APOH: variants seen among roughly 807,000 people sequenced by gnomAD.
APOH encodes beta-2-glycoprotein 1.
Under a neutral mutation model 39.8 loss-of-function variants are expected in APOH, and 48 were observed. The ratio of observed to expected loss-of-function variants is 1.21; its 90% CI spans 0.96 to 1.54. The LOEUF (loss-of-function observed/expected upper bound fraction) is 1.54. Ranked by LOEUF, APOH falls within the 40% of genes most tolerant of loss-of-function variation. APOH has a pLI of 0.00. For synonymous variants in APOH, 153 were observed against 151.1 expected (o/e 1.01, Z -0.09); for missense variants, 415 against 421.2 (o/e 0.99, Z 0.13).
At position 66,214,439 on chromosome 17, in the gene APOH, C is replaced by G. The variant is rs755327629; in HGVS notation, c.982+14G>C. On this transcript the variant is annotated intron_variant, in intron 7 of 7. Transcript: ENST00000205948. ...AAGTGGGAGTCCTAGCTAAACGTTC[C>G]AATGCAGACTTACCCTTGAAGCATT... The G allele has an allele frequency of 6.2e-7, 1 of 1,611,590 alleles. No individual in the cohort carries two copies. Among genetic ancestry groups the G allele is most frequent in the Non-Finnish European group, 8.5e-7 (1 of 1,178,160 alleles).
Position 66,216,850 on chromosome 17 carries a change from T to C in APOH, c.722A>G (p.Asp241Gly). ...TFGCHDGYSL[D>G]GPEEIECTKL... Reference sequence around the variant, plus strand: ...GGTACATTCTATTTCTTCCGGGCCATCCAGAGAATATCCATCATGGCAGCC... The same window carrying C: ...GGTACATTCTATTTCTTCCGGGCCACCCAGAGAATATCCATCATGGCAGCC... Residue 241 changes from aspartate to glycine, a missense_variant, in exon 6 of 8, where the codon GAT becomes GGT. Physicochemically the swap from Asp to Gly is moderately conservative, Grantham distance 94 (BLOSUM62 -1). Coordinates refer to ENST00000205948, the MANE Select transcript of APOH (RefSeq NM_000042.3). 6.2e-7 allele frequency: 1 copy of C among 1,612,884 alleles called. No individual in the cohort carries two copies. Among genetic ancestry groups the C allele is most frequent in the East Asian group, 2.2e-5 (1 of 44,802 alleles).
chr17:66,216,728 T>C (rs986876918), intron 6 of APOH, 60 bp downstream of exon 6: 1 of 1,456,146 alleles, frequency 6.9e-7, no homozygotes, highest in Admixed American at 2.4e-5. Flanking sequence ...AAATAGCAAG[T>C]AAAGGTGATC....
Position 66,220,612 on chromosome 17 carries a change from TC to T in APOH, c.545del (p.Gly182GlufsTer22). On this transcript the variant is annotated frameshift_variant, in exon 5 of 8. Transcript: ENST00000205948. LOFTEE classifies it high-confidence loss of function. ...FECLPQHAMF[G>X]NDTITCTTHG... ...GTGTCGTGCAGGTAATTGTATCATT[TC>T]CAAACATCGCATGTTGTGGCAAACA... is the stretch of plus-strand genomic sequence containing the variant. 6.2e-7 allele frequency: 1 copy of T among 1,614,208 alleles called. No homozygotes were observed. The highest frequency in any genetic ancestry group is 8.5e-7 in the Non-Finnish European group (1 of 1,180,036).
chr17:66,220,551 T>A lies in APOH; in HGVS notation c.604+3A>T. ...GCGTATTTTGTCTGATCATTGCACT[T>A]ACCCCTGCATTCTGGTAATTTAGTC... On this transcript the variant is annotated splice_donor_region_variant and intron_variant, in intron 5 of 7. Transcript: ENST00000205948. 1.9e-6 allele frequency: 3 copies of A among 1,613,584 alleles called. No individual in the cohort carries two copies. Among genetic ancestry groups the A allele is most frequent in the Non-Finnish European group, 2.5e-6 (3 of 1,179,490 alleles).
intron 4 of APOH, among the ~76,000 whole-genome samples, chr17:66,222,809 G>A (rs1324497378): frequency 6.6e-6 from 1 of 152,082 alleles, no homozygotes; most frequent in African/African-American, 2.4e-5. Flanking sequence ...GACCTCAGGT[G>A]AGCCACCCTC....
intron 2 of APOH, 147 bp from the exon 3 acceptor site, chr17:66,226,271 C>A: frequency 1.6e-6 from 1 of 621,916 alleles, no homozygotes; most frequent in Non-Finnish European, 2.8e-6. Context: ...GGTAACTATT[C>A]TAAGAAAGCA....
At chr17:66,226,375 C>T (rs563768049) in intron 2 of APOH, among the ~76,000 whole-genome samples, 7 of 152,296 alleles carry the variant, frequency 4.6e-5, no homozygotes, top group African/African-American at 1.7e-4. Flanking sequence ...CAGTGGCTCA[C>T]GCCTGTAATC....
In APOH at chr17:66,229,336, TG is replaced by T. The variant is rs1567743641; in HGVS notation, c.43del (p.His15MetfsTer23). On this transcript the variant is annotated frameshift_variant, in exon 1 of 8. Transcript: ENST00000205948. LOFTEE classifies it high-confidence loss of function. Reference sequence around the variant, plus strand: ...CTTACTCCGTCCTGCAATAGCAACATGGCAGAGAAAACTCGAGAACAAGATG... The same window carrying T: ...CTTACTCCGTCCTGCAATAGCAACATGCAGAGAAAACTCGAGAACAAGATG... ...VLILFSSFLC[H>X]VAIAGRTCPK... is the part of the protein sequence containing the mutation. 2 of 1,613,884 alleles carry T rather than the reference TG, an allele frequency of 1.2e-6. No individual in the cohort carries two copies. The highest frequency in any genetic ancestry group is 1.7e-6 in the Non-Finnish European group (2 of 1,179,822).
chr17:66,225,074 A>G (rs965775771), intron 3 of APOH, among the ~76,000 whole-genome samples: 198 of 152,238 alleles, frequency 1.3e-3, no homozygotes, highest in African/African-American at 4.5e-3. Context: ...GAAAAAAAAA[A>G]AAAGAAAGAA....
intron 4 of APOH, among the ~76,000 whole-genome samples, chr17:66,222,901 CTGACA>C (rs759944197): frequency 4.9e-4 from 74 of 152,286 alleles, no homozygotes; most frequent in Non-Finnish European, 8.4e-4. Context: ...ACAGACTTCA[CTGACA>C]TGTTGAAGAA....
chr17:66,224,470 T>TAAAAA (rs760150264), intron 3 of APOH, among the ~76,000 whole-genome samples: 46 of 42,692 alleles, frequency 1.1e-3, no homozygotes, highest in South Asian at 4.0e-3. Flanking sequence ...GAAGATCCTG[T>TAAAAA]AAAAAAAAAA....
In APOH at chr17:66,217,275, T is replaced by C. The variant is rs530302296; in HGVS notation, c.605-308A>G. ...AACTTCATCTCTACACAGTCTAAGA[T>C]GGTGGGTTTGAAAGAAGAAAAGCAA... is the stretch of plus-strand genomic sequence containing the variant. On this transcript the variant is annotated intron_variant, in intron 5 of 7. Transcript: ENST00000205948. Among the ~76,000 whole-genome samples, 3 of 151,882 alleles carry C rather than the reference T, an allele frequency of 2.0e-5. No homozygotes were observed. In the East Asian group the frequency reaches 5.8e-4, roughly 29 times the overall value.
chr17:66,222,691 C>G (rs1261522310), intron 4 of APOH, among the ~76,000 whole-genome samples: 1 of 151,138 alleles, frequency 6.6e-6, no homozygotes, highest in Non-Finnish European at 1.5e-5. Context: ...CTTGCCTCAG[C>G]CTCCCAATTG....
Position 66,223,712 on chromosome 17 carries a change from A to C in APOH, c.401T>G (p.Leu134Arg). The change falls in exon 4 of 8, where the codon CTT becomes CGT. Residue 134 changes from leucine to arginine, a missense_variant. Coordinates refer to ENST00000205948, the MANE Select transcript of APOH (RefSeq NM_000042.3). ...CTEEGKWSPELPVCAPIICPP... is the reference protein window; with the variant it reads ...CTEEGKWSPERPVCAPIICPP... ...CACAGACTTACGAGCACAGACAGGA[A>C]GCTCCGGGCTCCATTTTCCTTCCTC... is the stretch of plus-strand genomic sequence containing the variant. 6.2e-7 allele frequency: 1 copy of C among 1,614,174 alleles called. No individual in the cohort carries two copies. Among genetic ancestry groups the C allele is most frequent in the Non-Finnish European group, 8.5e-7 (1 of 1,180,000 alleles).
At chr17:66,213,386 G>GCT (rs989837105) in intron 7 of APOH, among the ~76,000 whole-genome samples, 1 of 152,144 alleles carries the variant, frequency 6.6e-6, no homozygotes, top group African/African-American at 2.4e-5. Flanking sequence ...TGGATACTTT[G>GCT]CTCTAATGGA....
chr17:66,226,165 A>T lies in APOH; in HGVS notation c.242-41T>A, dbSNP rs751526372. 18 of 1,111,892 alleles carry T rather than the reference A, an allele frequency of 1.6e-5. No individual in the cohort carries two copies. The African/African-American group carries it at 3.2e-4, about 20-fold the overall frequency. 68.9% of individuals were successfully genotyped at this position (1,111,892 alleles called of 1,614,324 possible). On this transcript the variant is annotated intron_variant, in intron 2 of 7. Coordinates refer to ENST00000205948, the MANE Select transcript of APOH (RefSeq NM_000042.3). ...AAAAAATGTTACTTTTCTTTGGGCTAAAAAAAAACATAAACAGGTAAATTT... is the reference window on the plus strand; with the variant it reads ...AAAAAATGTTACTTTTCTTTGGGCTTAAAAAAAACATAAACAGGTAAATTT...
chr17:66,227,872 T>G (rs1270730184), intron 2 of APOH, 148 bp downstream of exon 2: 1 of 728,626 alleles, frequency 1.4e-6, no homozygotes, highest in East Asian at 2.6e-5. Context: ...CAGAGAGAAC[T>G]CCCCAAGACC....
chr17:66,212,138 A>G lies in APOH; in HGVS notation c.1033T>C (p.Cys345Arg). 2 of 1,613,616 alleles carry G rather than the reference A, an allele frequency of 1.2e-6. No homozygotes were observed. The highest frequency in any genetic ancestry group is 1.7e-6 in the Non-Finnish European group (2 of 1,179,516). ...WKTDASDVKPC is the reference protein window; with the variant it reads ...WKTDASDVKPR ...TGTGGAATCTGAAAACCACCTTAGCATGGCTTTACATCGGATGCATCAGTT... is the reference window on the plus strand; with the variant it reads ...TGTGGAATCTGAAAACCACCTTAGCGTGGCTTTACATCGGATGCATCAGTT... The change falls in exon 8 of 8, where the codon TGC becomes CGC. Residue 345 changes from cysteine (C) to arginine (R), a missense_variant. Coordinates refer to ENST00000205948, the MANE Select transcript of APOH (RefSeq NM_000042.3).
At chr17:66,214,834 C>T (rs537697400) in intron 6 of APOH, among the ~76,000 whole-genome samples, 184 bp from the exon 7 acceptor site, 2 of 151,382 alleles carry the variant, frequency 1.3e-5, no homozygotes, top group African/African-American at 4.9e-5. Context: ...GTCAATAGAA[C>T]CATTATTCAT....
Sources: gnomAD v4.1 joint callset for allele counts (sites outside exome capture counted in the v4.1 genomes callset) on GRCh38, gnomAD v4.1.1 for gene constraint, MANE v1.5 for transcripts, NCBI Gene and HGNC (gene_info 2026-07-23, HGNC 2026-07-21) for gene names.